Variants in AMZ1 observed in about 807,000 individuals in gnomAD.
The protein encoded by AMZ1 is archaelysin family metallopeptidase 1.
In AMZ1, 39 loss-of-function variants were observed where a neutral mutation model predicts 29.9. The observed-to-expected ratio is 1.30, with a 90% confidence interval of 1.01 to 1.70. The LOEUF is 1.70. Among genes scored for constraint, AMZ1 ranks in the 40% most tolerant of loss-of-function variants. The pLI is 0.00. For missense variants in AMZ1, 1,041 were observed against 680.6 expected (o/e 1.53, Z -5.89); for synonymous variants, 458 against 304.0 (o/e 1.51, Z -5.27).
At chr7:2,762,687 C>T (rs1362722580), upstream of AMZ1, 14 of 1,583,036 alleles carry the variant, frequency 8.8e-6, no homozygotes, top group Non-Finnish European at 9.4e-6. Context: ...AAAGAAACCA[C>T]GCTGCCCGGG....
chr7:2,737,319 C>T (rs151076395), intron 4 of AMZ1, among the ~76,000 whole-genome samples: 2,871 of 123,068 alleles, frequency 0.023, 70 homozygotes, highest in Middle Eastern at 0.14. Flanking sequence ...GATGGAGTCT[C>T]GCCCTGTCGC....
In AMZ1 at chr7:2,708,580, C is replaced by G; in HGVS notation, c.473-8C>G. The G allele has an allele frequency of 6.2e-7, 1 of 1,611,974 alleles. No homozygotes were observed. The highest frequency in any genetic ancestry group is 1.3e-5 in the African/African-American group (1 of 75,022). On this transcript the variant is annotated splice_region_variant and splice_polypyrimidine_tract_variant and intron_variant, in intron 3 of 6. Coordinates refer to ENST00000683327, the MANE Select transcript of AMZ1 (RefSeq NM_001384743.1). ...TCCTGACCCCATCCTCTGGCCCTCT[C>G]CCCGCAGACGGCATCCTGTCCTTCT...
chr7:2,728,239 C>G (rs1789709327), intron 4 of AMZ1: 1 of 152,332 alleles, frequency 6.6e-6, no homozygotes, highest in Non-Finnish European at 1.5e-5. Context: ...CTGACCCGGA[C>G]CACTACCATT....
At chr7:2,751,440 A>G (rs1268007071) in intron 4 of AMZ1, among the ~76,000 whole-genome samples, 1 of 151,978 alleles carries the variant, frequency 6.6e-6, no homozygotes, top group Non-Finnish European at 1.5e-5. Flanking sequence ...AAAAATGATC[A>G]AAAATCACTG....
downstream of AMZ1, among the ~76,000 whole-genome samples, chr7:2,720,837 G>A (rs1031982756): frequency 6.6e-6 from 1 of 152,088 alleles, no homozygotes; most frequent in African/African-American, 2.4e-5. Context: ...TCTACACTGA[G>A]CTAACTAAAA....
At chr7:2,706,767 G>A (rs1788376700) in intron 3 of AMZ1, among the ~76,000 whole-genome samples, 1 of 151,916 alleles carries the variant, frequency 6.6e-6, no homozygotes, top group South Asian at 2.1e-4. Context: ...GGTTCCGGGG[G>A]TTAGGACTTC....
upstream of AMZ1, among the ~76,000 whole-genome samples, chr7:2,761,200 G>C (rs1791537772): frequency 6.6e-6 from 1 of 152,058 alleles, no homozygotes; most frequent in Admixed American, 6.5e-5. Flanking sequence ...GCGCAAACAA[G>C]CTCCCAGCAC....
chr7:2,721,875 TAAAC>T (rs1368691133), downstream of AMZ1, among the ~76,000 whole-genome samples: 5 of 152,210 alleles, frequency 3.3e-5, no homozygotes, highest in African/African-American at 1.2e-4. Flanking sequence ...CAAAACATGT[TAAAC>T]TAACCACCGT....
intron 1 of AMZ1, among the ~76,000 whole-genome samples, chr7:2,682,743 C>A (rs1386671697): frequency 6.6e-6 from 1 of 151,742 alleles, no homozygotes; most frequent in Non-Finnish European, 1.5e-5. Context: ...CCCTGGCCCT[C>A]AGCAACCCCC....
At chr7:2,753,724 A>G (rs1020436023) in intron 4 of AMZ1, among the ~76,000 whole-genome samples, 2 of 152,166 alleles carry the variant, frequency 1.3e-5, no homozygotes, top group African/African-American at 2.4e-5. Flanking sequence ...GCCGGGCTGT[A>G]TAAGTGTATG....
intron 6 of AMZ1, among the ~76,000 whole-genome samples, chr7:2,711,983 G>T (rs576119665): frequency 6.6e-6 from 1 of 152,264 alleles, no homozygotes; most frequent in Non-Finnish European, 1.5e-5. Flanking sequence ...GGAGGGGGAG[G>T]TTGCAGTGAG....
At chr7:2,762,923 G>T (rs1562414484), upstream of AMZ1, 1 of 1,408,720 alleles carries the variant, frequency 7.1e-7, no homozygotes, top group African/African-American at 1.5e-5. Context: ...CCACAGGCGG[G>T]GACGCCCCAG....
At chr7:2,703,477 C>T (rs36148268) in intron 3 of AMZ1, among the ~76,000 whole-genome samples, 17,660 of 150,878 alleles carry the variant, frequency 0.12, 1,290 homozygotes, top group Non-Finnish European at 0.15. Context: ...AGCATGGCTC[C>T]AACCTTCCGT....
At chr7:2,734,604 A>C (rs1418905857) in intron 4 of AMZ1, among the ~76,000 whole-genome samples, 1 of 152,228 alleles carries the variant, frequency 6.6e-6, no homozygotes, top group East Asian at 1.9e-4. Context: ...TGCTCAGTCT[A>C]TCTCTTCCTC....
At position 2,716,907 on chromosome 7, in the gene AMZ1, A is replaced by G. The variant is rs1361547763; in HGVS notation, c.*4029A>G. On this transcript the variant is annotated 3_prime_UTR_variant, in exon 7 of 7. Transcript: ENST00000683327. ...GAAGGGCTGGAGCCTCAGAAACGGCAGAGCGGAAGTTGAGGCGCAGTCTGT... is the reference window on the plus strand; with the variant it reads ...GAAGGGCTGGAGCCTCAGAAACGGCGGAGCGGAAGTTGAGGCGCAGTCTGT... 6.6e-6 allele frequency among the ~76,000 whole-genome samples: 1 copy of G among 152,236 alleles called. No homozygotes were observed. Among genetic ancestry groups the G allele is most frequent in the African/African-American group, 2.4e-5 (1 of 41,474 alleles).
At position 2,715,967 on chromosome 7, in the gene AMZ1, C is replaced by G. The variant is rs1318208855; in HGVS notation, c.*3089C>G. 6.6e-6 allele frequency: 1 copy of G among 151,926 alleles called. No homozygotes were observed. Among genetic ancestry groups the G allele is most frequent in the Non-Finnish European group, 1.5e-5 (1 of 67,918 alleles). 9.4% of individuals were successfully genotyped at this position (151,926 alleles called of 1,614,324 possible). A position where few individuals can be genotyped will look rare whatever the true frequency, so the allele number is the denominator to read the frequency against. On this transcript the variant is annotated 3_prime_UTR_variant, in exon 7 of 7. Coordinates refer to ENST00000683327, the MANE Select transcript of AMZ1 (RefSeq NM_001384743.1). ...CCACTGAATTGCTTTCTCGTCTCATCTGTCAGAAGCCCCTGCATTCACAAG... is the reference window on the plus strand; with the variant it reads ...CCACTGAATTGCTTTCTCGTCTCATGTGTCAGAAGCCCCTGCATTCACAAG...
chr7:2,717,934 G>A lies in AMZ1; in HGVS notation c.*5056G>A, dbSNP rs567122116. 6.6e-5 allele frequency among the ~76,000 whole-genome samples: 10 copies of A among 152,320 alleles called. No individual in the cohort carries two copies. In the South Asian group the frequency reaches 2.1e-3, roughly 32 times the overall value. On this transcript the variant is annotated 3_prime_UTR_variant, in exon 7 of 7. Transcript: ENST00000683327. ...AACTCTTCCCCGCTGCAGTGTTCCC[G>A]TGACGATGAGGCAAATCCAAATAGT...
At chr7:2,748,805 A>T (rs1243376688) in intron 4 of AMZ1, among the ~76,000 whole-genome samples, 1 of 152,090 alleles carries the variant, frequency 6.6e-6, no homozygotes, top group Non-Finnish European at 1.5e-5. Context: ...AACTCAAACA[A>T]ATTTACAAGA....
chr7:2,710,467 G>A (rs780596415), intron 6 of AMZ1, among the ~76,000 whole-genome samples: 5 of 152,350 alleles, frequency 3.3e-5, no homozygotes, highest in South Asian at 4.1e-4. Context: ...CAATGAAACC[G>A]CGCTGGAAAG....
Sources: allele counts gnomAD v4.1 joint callset (sites outside exome capture counted in the v4.1 genomes callset), GRCh38; gene constraint gnomAD v4.1.1; transcripts MANE v1.5; gene names NCBI Gene and HGNC (gene_info 2026-07-23, HGNC 2026-07-21).